NFIB: variants seen among roughly 807,000 people sequenced by gnomAD.
The protein encoded by NFIB is nuclear factor 1 B-type.
NFIB carries 11 observed loss-of-function variants against 61.5 expected under a neutral mutation model. The observed-to-expected ratio is 0.18, with a 90% CI of 0.11 to 0.30. The LOEUF (loss-of-function observed/expected upper bound fraction) is 0.30. Ranked by LOEUF, NFIB falls within the 10% of genes least tolerant of loss-of-function variation. The pLI, the probability that NFIB is intolerant of heterozygous loss-of-function variation, is 1.00. For synonymous variants in NFIB, 260 were observed against 216.5 expected (o/e 1.20, Z -1.76); for missense variants, 471 against 608.9 (o/e 0.77, Z 2.38).
At chr9:14,416,892 C>CTTTTTTTTTT in the NFIB span, among the ~76,000 whole-genome samples, 196 of 126,880 alleles carry the variant, frequency 1.5e-3, 7 homozygotes, top group African/African-American at 5.6e-3. Context: ...ACTATTTTTA[C>CTTTTTTTTTT]TTTTTTTTTT....
At chr9:14,322,417 C>G in intron 1 of NFIB, 2 of 234,152 alleles carry the variant, frequency 8.5e-6, no homozygotes, top group Non-Finnish European at 8.4e-6. Flanking sequence ...GCAGCCGGCA[C>G]GGCCCCGGGG....
intron 1 of NFIB, among the ~76,000 whole-genome samples, chr9:14,350,292 G>C (rs1249175215): frequency 6.6e-6 from 1 of 152,236 alleles, no homozygotes; most frequent in Non-Finnish European, 1.5e-5. Context: ...ATTCAGGGCA[G>C]CCTGCGAAAG....
the NFIB span, among the ~76,000 whole-genome samples, chr9:14,495,948 T>A: frequency 0.022 from 3,291 of 152,322 alleles, 112 homozygotes; most frequent in African/African-American, 0.073. Flanking sequence ...CTTAGTAACT[T>A]AGAAGTTACT....
intron 3 of NFIB, among the ~76,000 whole-genome samples, chr9:14,163,594 AC>A (rs911069114): frequency 7.9e-5 from 12 of 151,986 alleles, no homozygotes; most frequent in Non-Finnish European, 1.3e-4. Context: ...CATAAACCCC[AC>A]ATGCACCAAA....
At chr9:14,471,786 T>C in the NFIB span, among the ~76,000 whole-genome samples, 6 of 152,218 alleles carry the variant, frequency 3.9e-5, no homozygotes, top group African/African-American at 1.4e-4. Flanking sequence ...CAATCAGTCT[T>C]AGGGTGGCCC....
chr9:14,273,682 G>C (rs2057784114), intron 2 of NFIB, among the ~76,000 whole-genome samples: 1 of 152,186 alleles, frequency 6.6e-6, no homozygotes, highest in Non-Finnish European at 1.5e-5. Context: ...ATGCCAGAAA[G>C]AGGGCTACAT....
At position 14,313,669 on chromosome 9, in the gene NFIB, C is replaced by A; in HGVS notation, c.-158G>T. ...ACCGCAACTTCACAACAAACCCAGT[C>A]CTCCTTAAATAGCCAAAGATTCAAG... On this transcript the variant is annotated 5_prime_UTR_variant, in exon 1 of 11. Transcript: ENST00000380953. The surrounding 1 kb of genome is among the most constrained non-coding windows in gnomAD (Gnocchi z 4.5). 4 of 1,481,598 alleles carry A rather than the reference C, an allele frequency of 2.7e-6. No individual in the cohort carries two copies. Among genetic ancestry groups the A allele is most frequent in the South Asian group, 1.4e-5 (1 of 73,864 alleles). 91.8% of individuals were successfully genotyped at this position (1,481,598 alleles called of 1,614,324 possible). A position where few individuals can be genotyped will look rare whatever the true frequency, so the allele number is the denominator to read the frequency against.
chr9:14,113,782 TG>T (rs1322586385), intron 9 of NFIB, among the ~76,000 whole-genome samples: 1 of 152,218 alleles, frequency 6.6e-6, no homozygotes, highest in East Asian at 1.9e-4. Context: ...TTTAAATAGT[TG>T]GCCACTAGGT....
chr9:14,479,363 C>T, the NFIB span, among the ~76,000 whole-genome samples: 19,552 of 152,146 alleles, frequency 0.13, 2,043 homozygotes, highest in African/African-American at 0.28. Flanking sequence ...CCAAATGAAA[C>T]TTCTTCGGAG....
chr9:14,163,210 A>G (rs967333080), intron 3 of NFIB, among the ~76,000 whole-genome samples: 1 of 152,068 alleles, frequency 6.6e-6, no homozygotes, highest in Non-Finnish European at 1.5e-5. Context: ...AAAACACAAT[A>G]AATAAGAATG....
At chr9:14,195,517 C>T (rs2048377863) in intron 2 of NFIB, among the ~76,000 whole-genome samples, 1 of 152,164 alleles carries the variant, frequency 6.6e-6, no homozygotes. Flanking sequence ...AAGTATAAAG[C>T]ACATATGAGA....
chr9:14,271,385 A>G (rs987522544), intron 2 of NFIB, among the ~76,000 whole-genome samples: 3 of 152,106 alleles, frequency 2.0e-5, no homozygotes, highest in Non-Finnish European at 4.4e-5. Context: ...TCCTTAGTTG[A>G]AAGAGTACTT....
chr9:14,473,820 C>A, the NFIB span, among the ~76,000 whole-genome samples: 55 of 152,146 alleles, frequency 3.6e-4, no homozygotes, highest in Non-Finnish European at 6.2e-4. Flanking sequence ...CTGAAAAACT[C>A]ATAGATTTGT....
chr9:14,265,204 T>C (rs2057095639), intron 2 of NFIB, among the ~76,000 whole-genome samples: 1 of 152,222 alleles, frequency 6.6e-6, no homozygotes, highest in African/African-American at 2.4e-5. Context: ...CAACTAGGAC[T>C]ATCTATCTCT....
At chr9:14,293,358 C>A (rs538687802) in intron 2 of NFIB, among the ~76,000 whole-genome samples, 1 of 152,174 alleles carries the variant, frequency 6.6e-6, no homozygotes, top group African/African-American at 2.4e-5. Context: ...TATATATGCA[C>A]GCAATCTGTC....
At chr9:14,489,072 A>AT in the NFIB span, among the ~76,000 whole-genome samples, 1 of 101,602 alleles carries the variant, frequency 9.8e-6, no homozygotes, top group Non-Finnish European at 1.8e-5. Context: ...AAAATGTTCC[A>AT]TAAAGTTCAT....
At chr9:14,489,485 T>A in the NFIB span, among the ~76,000 whole-genome samples, 1 of 152,196 alleles carries the variant, frequency 6.6e-6, no homozygotes, top group Non-Finnish European at 1.5e-5. Context: ...ATCTTTGTAT[T>A]CACTCATTTT....
At chr9:14,380,648 C>G (rs1400378869) in intron 1 of NFIB, among the ~76,000 whole-genome samples, 1 of 152,132 alleles carries the variant, frequency 6.6e-6, no homozygotes, top group East Asian at 1.9e-4. Context: ...CTTATCTTGC[C>G]TGGACACCCC....
intron 1 of NFIB, among the ~76,000 whole-genome samples, chr9:14,322,623 G>C (rs981955120): frequency 6.6e-6 from 1 of 152,060 alleles, no homozygotes; most frequent in Admixed American, 6.5e-5. Flanking sequence ...CGCGGGAAGC[G>C]CGGCTCTTCG....
Sources: gnomAD v4.1 joint callset for allele counts (sites outside exome capture counted in the v4.1 genomes callset) on GRCh38, gnomAD v4.1.1 for gene constraint, Gnocchi (gnomAD v3.1) non-coding constraint, MANE v1.5 for transcripts, NCBI Gene and HGNC (gene_info 2026-07-23, HGNC 2026-07-21) for gene names.